Variants in PASD1 observed in about 807,000 individuals in gnomAD.
The protein encoded by PASD1 is circadian clock protein PASD1.
Under a neutral mutation model 58.8 loss-of-function variants are expected in PASD1, and 13 were observed. The observed-to-expected ratio is 0.22, with a 90% CI of 0.14 to 0.35. The LOEUF (loss-of-function observed/expected upper bound fraction) is 0.35, where lower values mean the gene tolerates loss of function less well. Ranked by LOEUF, PASD1 falls within the 10% of genes least tolerant of loss-of-function variation. The pLI, the probability that PASD1 is intolerant of heterozygous loss-of-function variation, is 1.00. For synonymous variants in PASD1, 236 were observed against 216.7 expected (o/e 1.09, Z -0.78); for missense variants, 734 against 568.3 (o/e 1.29, Z -2.96).
chrX:151,643,351 T>C (rs764945718), intron 8 of PASD1, among the ~76,000 whole-genome samples: 5 of 111,477 alleles, frequency 4.5e-5, no homozygotes, highest in Non-Finnish European at 9.4e-5. Flanking sequence ...ACAAACTACC[T>C]GGCAAAGTTG....
chrX:151,613,110 C>T (rs985462218), intron 4 of PASD1, among the ~76,000 whole-genome samples: 1 of 111,803 alleles, frequency 8.9e-6, no homozygotes, highest in African/African-American at 3.3e-5. Context: ...TCAGGTTTGT[C>T]AAAGATCGGA....
At chrX:151,641,815 T>TAC (rs748009729) in intron 8 of PASD1, among the ~76,000 whole-genome samples, 6,631 of 104,687 alleles carry the variant, frequency 0.063, 222 homozygotes, top group Middle Eastern at 0.095. Flanking sequence ...CACGCGTACT[T>TAC]ACACACACAC....
intron 8 of PASD1, among the ~76,000 whole-genome samples, chrX:151,630,815 A>C (rs965557370): frequency 3.5e-5 from 4 of 112,867 alleles, no homozygotes; most frequent in Non-Finnish European, 7.5e-5. Flanking sequence ...ATTTCCACAT[A>C]GAATGTCCTG....
rs1409467287 is a variant in PASD1 at position 151,672,232 on chromosome X, TGCGGGA to T, written c.1490_1495del (p.Arg497_Glu498del). On this transcript the variant is annotated inframe_deletion, in exon 14 of 16. Transcript: ENST00000370357. ...CACCTGAAGGAGCAGCAGCGGCAGC[TGCGGGA>T]GCAGCTGCAACAGCTGAGAGAGCAA... The T allele has an allele frequency of 8.8e-7, 1 of 1,139,276 alleles. No individual in the cohort carries two copies. Among genetic ancestry groups the T allele is most frequent in the South Asian group, 1.9e-5 (1 of 51,400 alleles). 93.9% of individuals were successfully genotyped at this position (1,139,276 alleles called of 1,213,427 possible).
chrX:151,644,039 CAAG>C (rs1007597818), intron 8 of PASD1, among the ~76,000 whole-genome samples: 3 of 111,772 alleles, frequency 2.7e-5, no homozygotes, highest in African/African-American at 9.8e-5. Flanking sequence ...GCATTCACTT[CAAG>C]TTACTGATAT....
chrX:151,603,193 C>A lies in PASD1; in HGVS notation c.29-1453C>A, dbSNP rs1023538545. 5.3e-5 allele frequency among the ~76,000 whole-genome samples: 6 copies of A among 112,491 alleles called. No homozygotes were observed. The Middle Eastern group carries it at 0.013, about 236-fold the overall frequency. On this transcript the variant is annotated intron_variant, in intron 2 of 15. Transcript: ENST00000370357. Reference sequence around the variant, plus strand: ...TTTCTTGTTTATGCTATATCCTAAACCTGTAAAGCAGAATATGACCCATAG... The same window carrying A: ...TTTCTTGTTTATGCTATATCCTAAAACTGTAAAGCAGAATATGACCCATAG...
chrX:151,612,720 C>G (rs1190960411), intron 4 of PASD1, among the ~76,000 whole-genome samples: 3 of 111,147 alleles, frequency 2.7e-5, no homozygotes, highest in South Asian at 3.9e-4. Context: ...GATATTAGCC[C>G]TTTGTCAGAT....
At chrX:151,656,532 G>A (rs187784884) in intron 9 of PASD1, among the ~76,000 whole-genome samples, 2 of 110,895 alleles carry the variant, frequency 1.8e-5, no homozygotes, top group South Asian at 3.9e-4. Flanking sequence ...TTTTTATTTC[G>A]TTGAGCAGTG....
chrX:151,584,466 A>G (rs973256318), intron 1 of PASD1, among the ~76,000 whole-genome samples: 1 of 112,099 alleles, frequency 8.9e-6, no homozygotes, highest in African/African-American at 3.2e-5. Context: ...TTTGAGTAGC[A>G]GACTTCAGAT....
At chrX:151,566,482 G>A (rs773226361) in intron 1 of PASD1, among the ~76,000 whole-genome samples, 52 of 111,836 alleles carry the variant, frequency 4.6e-4, no homozygotes, top group African/African-American at 1.7e-3. Context: ...AGGTGACCAG[G>A]TGAGGGTGGC....
chrX:151,666,847 G>A (rs185358430), intron 11 of PASD1, among the ~76,000 whole-genome samples: 1,100 of 105,586 alleles, frequency 0.01, 4 homozygotes, highest in Middle Eastern at 0.076. Flanking sequence ...ATAAACATCC[G>A]TGTGCATGTG....
intron 1 of PASD1, among the ~76,000 whole-genome samples, chrX:151,597,713 T>C (rs193201786): frequency 4.9e-4 from 55 of 112,072 alleles, no homozygotes; most frequent in African/African-American, 1.7e-3. Flanking sequence ...AATTATTTTG[T>C]TTACTAATTT....
rs760827177 is a variant in PASD1, at chrX:151,671,597, G to C, written c.1255G>C (p.Val419Leu). ...LQKQPNTLRH[V>L]VIPDLQSSEA... ...GAAGCAGCCAAACACATTACGCCAC[G>C]TTGTCATTCCTGATCTCCAATCTTC... The change falls in exon 13 of 16, where the codon GTT (valine) becomes CTT (leucine). Residue 419 changes from valine (V) to leucine (L), a missense_variant. Physicochemically the swap from Val to Leu is conservative, Grantham distance 32. Coordinates refer to ENST00000370357, the MANE Select transcript of PASD1 (RefSeq NM_173493.3). 1 of 1,211,209 alleles carries C rather than the reference G, an allele frequency of 8.3e-7. No individual in the cohort carries two copies. The highest frequency in any genetic ancestry group is 1.8e-5 in the South Asian group (1 of 56,957).
intron 10 of PASD1, among the ~76,000 whole-genome samples, chrX:151,661,174 A>G (rs756385082): frequency 8.9e-6 from 1 of 111,740 alleles, no homozygotes; most frequent in East Asian, 2.8e-4. Context: ...AAAGAAAAAT[A>G]TGCTAAAATG....
chrX:151,669,340 G>A (rs1003967753), intron 11 of PASD1, among the ~76,000 whole-genome samples: 1 of 109,601 alleles, frequency 9.1e-6, no homozygotes, highest in Non-Finnish European at 1.9e-5. Context: ...TACACAATGT[G>A]TAATGATCAA....
rs578215267 is a variant in PASD1, at chrX:151,610,034, A to T, written c.118-1630A>T. Among the ~76,000 whole-genome samples the T allele has an allele frequency of 4.5e-5, 5 of 111,203 alleles. No homozygotes were observed. In the South Asian group the frequency reaches 1.9e-3, roughly 42 times the overall value. On this transcript the variant is annotated intron_variant, in intron 3 of 15. Transcript: ENST00000370357. ...GGGTTTGAGGAGTTCATGACTTTAT[A>T]CAAATAGAGAATCCTGCTTCAATTA...
chrX:151,584,105 A>T (rs2013133938), intron 1 of PASD1, among the ~76,000 whole-genome samples: 1 of 111,714 alleles, frequency 9.0e-6, no homozygotes, highest in South Asian at 3.8e-4. Flanking sequence ...ATAACTTTGG[A>T]ATTCCCCTCT....
chrX:151,623,180 G>A, intron 7 of PASD1, 116 bp downstream of exon 7: 2 of 852,021 alleles, frequency 2.3e-6, no homozygotes, highest in Non-Finnish European at 3.2e-6. Context: ...CTCAGTGTGT[G>A]CAGAGGGTTG....
intron 4 of PASD1, among the ~76,000 whole-genome samples, chrX:151,613,256 C>A (rs1280200286): frequency 9.0e-6 from 1 of 111,065 alleles, no homozygotes; most frequent in Non-Finnish European, 1.9e-5. Context: ...TAGTATGATG[C>A]CTCCAGCTTT....
Sources: allele counts gnomAD v4.1 joint callset (sites outside exome capture counted in the v4.1 genomes callset), GRCh38; gene constraint gnomAD v4.1.1; transcripts MANE v1.5; gene names NCBI Gene and HGNC (gene_info 2026-07-23, HGNC 2026-07-21).